Variants in CLCN5 observed in about 807,000 individuals in gnomAD.
The protein encoded by CLCN5 is Cl-/H+ antiporter 5, also known as H(+)/Cl(-) exchange transporter 5.
CLCN5 carries 17 observed loss-of-function variants against 54.0 expected under a neutral mutation model. The ratio of observed to expected loss-of-function variants is 0.31; its 90% CI spans 0.22 to 0.47. CLCN5 has a LOEUF of 0.47. Among genes scored for constraint, CLCN5 ranks in the 20% least tolerant of loss-of-function variants. The probability of loss-of-function intolerance (pLI) is 1.00; values close to 1 mark genes in which losing one functional copy is unlikely to be tolerated. For synonymous variants in CLCN5, 222 were observed against 233.0 expected, an observed-to-expected ratio of 0.95 and a Z score of 0.43; for missense variants, 448 against 646.7, an observed-to-expected ratio of 0.69 and a Z score of 3.33.
In CLCN5 at chrX:50,098,433, T is replaced by C. The variant is rs1331432491; in HGVS notation, c.*6214T>C. 8.9e-6 allele frequency: 1 copy of C among 112,771 alleles called. No individual in the cohort carries two copies. The highest frequency in any genetic ancestry group is 3.2e-5 in the African/African-American group (1 of 30,945). The allele number at this position is 112,771 out of a possible 1,213,427, so 9.3% of individuals were successfully genotyped here. A position where few individuals can be genotyped will look rare whatever the true frequency, so the allele number is the denominator to read the frequency against. Reference sequence around the variant, plus strand: ...AACTACCACCTGTTGAGTGAGCCAATGAGGCCAGGAAGATCAGAGGGGCTG... The same window carrying C: ...AACTACCACCTGTTGAGTGAGCCAACGAGGCCAGGAAGATCAGAGGGGCTG... On this transcript the variant is annotated 3_prime_UTR_variant, in exon 15 of 15. Transcript: ENST00000376091.
intron 3 of CLCN5, among the ~76,000 whole-genome samples, chrX:49,930,242 C>A (rs1925574203): frequency 8.9e-6 from 1 of 111,757 alleles, no homozygotes; most frequent in African/African-American, 3.3e-5. Context: ...GGCAAGGACT[C>A]AAGGAAGCAG....
At chrX:50,013,898 C>G (rs1930652025) in intron 3 of CLCN5, among the ~76,000 whole-genome samples, 1 of 112,254 alleles carries the variant, frequency 8.9e-6, no homozygotes, top group African/African-American at 3.2e-5. Flanking sequence ...TTGGTCCATT[C>G]ATTTATTCAT....
At chrX:50,077,621 AGTGTGTGTGTGTGTGT>A (rs34262397) in intron 7 of CLCN5, among the ~76,000 whole-genome samples, 1 of 78,703 alleles carries the variant, frequency 1.3e-5, no homozygotes, top group South Asian at 6.1e-4. Flanking sequence ...AGAGAGAGAG[AGTGTGTGTGTGTGTGT>A]GTGTGTGTGT....
At chrX:50,075,004 C>T (rs1410450560) in intron 6 of CLCN5, among the ~76,000 whole-genome samples, 1 of 112,053 alleles carries the variant, frequency 8.9e-6, no homozygotes, top group Non-Finnish European at 1.9e-5. Context: ...ACAGTGCATC[C>T]TAAGTCCCCA....
chrX:50,073,914 C>T (rs1198162465), intron 6 of CLCN5, among the ~76,000 whole-genome samples: 1 of 111,473 alleles, frequency 9.0e-6, no homozygotes, highest in Admixed American at 9.5e-5. Flanking sequence ...TATAGTTTGC[C>T]AACCCATGGC....
chrX:50,063,129 G>C (rs1932889237), intron 4 of CLCN5, among the ~76,000 whole-genome samples: 2 of 102,736 alleles, frequency 1.9e-5, no homozygotes, highest in Non-Finnish European at 3.9e-5. Flanking sequence ...ACATTCAAAA[G>C]CTAGCAGAAG....
intron 4 of CLCN5, among the ~76,000 whole-genome samples, chrX:50,057,002 A>G (rs1428187558): frequency 8.9e-6 from 1 of 111,752 alleles, no homozygotes; most frequent in Non-Finnish European, 1.9e-5. Flanking sequence ...CCTGCGTGTT[A>G]GACACCTTCA....
At chrX:49,980,222 CCTCAA>C in intron 3 of CLCN5, among the ~76,000 whole-genome samples, 1 of 110,849 alleles carries the variant, frequency 9.0e-6, no homozygotes, top group South Asian at 3.8e-4. Context: ...TCAGCCATTC[CCTCAA>C]CTCTGTTGAA....
chrX:49,970,061 A>C (rs1247295021), intron 3 of CLCN5, among the ~76,000 whole-genome samples: 1 of 111,401 alleles, frequency 9.0e-6, no homozygotes, highest in African/African-American at 3.3e-5. Context: ...TGTTATAAAG[A>C]CATTTCAGCT....
At chrX:49,994,273 G>A (rs1419622484) in intron 3 of CLCN5, among the ~76,000 whole-genome samples, 1 of 111,200 alleles carries the variant, frequency 9.0e-6, no homozygotes, top group Non-Finnish European at 1.9e-5. Context: ...AGTTATTTGA[G>A]AATAATGATG....
At chrX:50,088,438 G>A (rs1933970842) in intron 11 of CLCN5, 1 of 371,971 alleles carries the variant, frequency 2.7e-6, no homozygotes, top group Non-Finnish European at 4.7e-6. Context: ...CCAGTTCTGT[G>A]TTGGTCTGGA....
intron 4 of CLCN5, among the ~76,000 whole-genome samples, chrX:50,050,657 C>CTTTT (rs1161956431): frequency 1.1e-4 from 7 of 61,269 alleles, no homozygotes; most frequent in African/African-American, 2.2e-4. Context: ...GTCTTCTTGG[C>CTTTT]TTTTTTTTTT....
At chrX:50,051,429 T>C (rs1293461698) in intron 4 of CLCN5, among the ~76,000 whole-genome samples, 1 of 112,224 alleles carries the variant, frequency 8.9e-6, no homozygotes, top group Non-Finnish European at 1.9e-5. Flanking sequence ...TATGGCTTTA[T>C]GGTAAATCTT....
intron 4 of CLCN5, among the ~76,000 whole-genome samples, chrX:50,055,214 T>C (rs1557188791): frequency 8.9e-6 from 1 of 111,979 alleles, no homozygotes; most frequent in Non-Finnish European, 1.9e-5. Flanking sequence ...TCAGAAGTCA[T>C]TCAATCCAAT....
intron 3 of CLCN5, among the ~76,000 whole-genome samples, chrX:49,941,978 C>G (rs1393780021): frequency 1.5e-4 from 14 of 95,254 alleles, no homozygotes; most frequent in Non-Finnish European, 2.7e-4. Context: ...CCCTGCCCCA[C>G]CCAATACACA....
At chrX:50,078,845 C>T (rs1454195140) in intron 7 of CLCN5, among the ~76,000 whole-genome samples, 4 of 111,898 alleles carry the variant, frequency 3.6e-5, no homozygotes, top group Non-Finnish European at 7.5e-5. Context: ...TTTTTTGAGA[C>T]GGAGTCTCAC....
At chrX:49,996,937 A>G (rs1251935336) in intron 3 of CLCN5, among the ~76,000 whole-genome samples, 1 of 111,256 alleles carries the variant, frequency 9.0e-6, no homozygotes, top group East Asian at 2.8e-4. Flanking sequence ...CTTCTGAAAT[A>G]CCTTTCTCTA....
At chrX:49,979,504 A>G (rs1363722968) in intron 3 of CLCN5, among the ~76,000 whole-genome samples, 2 of 111,978 alleles carry the variant, frequency 1.8e-5, no homozygotes, top group African/African-American at 6.5e-5. Context: ...GCTTTGAATA[A>G]TTTCTGTCCA....
intron 6 of CLCN5, 22 bp downstream of exon 6, chrX:50,072,610 C>T (rs1557191647): frequency 9.3e-7 from 1 of 1,074,617 alleles, no homozygotes; most frequent in African/African-American, 1.8e-5. Flanking sequence ...TGTTAGTTTT[C>T]AAAACAAATC....
Sources: allele counts gnomAD v4.1 joint callset (sites outside exome capture counted in the v4.1 genomes callset), GRCh38; gene constraint gnomAD v4.1.1; transcripts MANE v1.5; gene names NCBI Gene and HGNC (gene_info 2026-07-23, HGNC 2026-07-21).